The following EML6 variants were observed in gnomAD, a reference collection of about 807,000 sequenced individuals.
The protein encoded by EML6 is EMAP like 6.
Under a neutral mutation model 240.1 loss-of-function variants are expected in EML6, and 154 were observed. That is an observed-to-expected ratio of 0.64 (90% CI 0.56 to 0.73). EML6 has a LOEUF of 0.73. Ranked by LOEUF, EML6 falls within the 30% of genes least tolerant of loss-of-function variation. The pLI is 0.00. For missense variants in EML6, 2,964 were observed against 2,474.6 expected (o/e 1.20, Z -4.20); for synonymous variants, 1,148 against 899.0 (o/e 1.28, Z -4.95).
intron 2 of EML6, among the ~76,000 whole-genome samples, chr2:54,799,478 T>C (rs1377709784): frequency 6.6e-6 from 1 of 152,164 alleles, no homozygotes; most frequent in Non-Finnish European, 1.5e-5. Context: ...CCTGAGTAGC[T>C]GGGATTACAG....
intron 24 of EML6, among the ~76,000 whole-genome samples, chr2:54,904,977 G>A (rs918824387): frequency 2.0e-5 from 3 of 152,196 alleles, no homozygotes; most frequent in Non-Finnish European, 2.9e-5. Context: ...ACATTCAGGA[G>A]TTTTATACGG....
intron 17 of EML6, among the ~76,000 whole-genome samples, chr2:54,887,055 A>G (rs1249451727): frequency 1.3e-5 from 2 of 152,188 alleles, no homozygotes; most frequent in African/African-American, 2.4e-5. Context: ...AATGTTAGTG[A>G]TGGAATTCCT....
At chr2:54,748,005 C>T (rs2103687139) in intron 2 of EML6, among the ~76,000 whole-genome samples, 1 of 152,234 alleles carries the variant, frequency 6.6e-6, no homozygotes, top group South Asian at 2.1e-4. Flanking sequence ...TAGAAACTTT[C>T]ACTTTAAAAT....
Position 54,960,302 on chromosome 2 carries a change from G to C in EML6, c.4936G>C (p.Val1646Leu). ...CTTTCAGCTGGAGACCGGGCAGCTG[G>C]TGGAGTGTGTGCGCTCCGTGTGCCG... Reference protein sequence around the residue: ...RAFQLETGQLVECVRSVCRGK... With the variant: ...RAFQLETGQLLECVRSVCRGK... The change falls in exon 35 of 42, where the codon GTG becomes CTG. Residue 1646 changes from valine (V) to leucine (L), a missense_variant. Physicochemically the swap from Val to Leu is conservative, Grantham distance 32 (BLOSUM62 1). Transcript: ENST00000356458. The C allele has an allele frequency of 6.4e-7, 1 of 1,551,172 alleles. No homozygotes were observed. The highest frequency in any genetic ancestry group is 8.7e-7 in the Non-Finnish European group (1 of 1,146,898).
intron 2 of EML6, among the ~76,000 whole-genome samples, chr2:54,811,112 C>T (rs940404318): frequency 2.0e-5 from 3 of 152,072 alleles, no homozygotes; most frequent in Non-Finnish European, 2.9e-5. Flanking sequence ...CTACCCATGT[C>T]TTCCCTCCCT....
At chr2:54,841,848 C>G (rs1669475696) in intron 7 of EML6, among the ~76,000 whole-genome samples, 1 of 152,154 alleles carries the variant, frequency 6.6e-6, no homozygotes, top group African/African-American at 2.4e-5. Flanking sequence ...CTGCCTCAGC[C>G]TCCCAAAGTG....
intron 2 of EML6, among the ~76,000 whole-genome samples, chr2:54,806,041 C>G (rs768399286): frequency 6.6e-5 from 10 of 152,102 alleles, no homozygotes; most frequent in Non-Finnish European, 1.3e-4. Context: ...GTCTTAATTC[C>G]TTTTAATAAA....
intron 29 of EML6, among the ~76,000 whole-genome samples, chr2:54,949,682 TG>T (rs1675875029): frequency 6.6e-6 from 1 of 152,220 alleles, no homozygotes. Context: ...CCTTCAGACC[TG>T]GGAGAGTCCC....
chr2:54,880,575 C>G (rs1431366598), intron 17 of EML6: 1 of 152,130 alleles, frequency 6.6e-6, no homozygotes, highest in Non-Finnish European at 1.5e-5. Flanking sequence ...TGACCATCTT[C>G]GGAGAAAAAG....
intron 2 of EML6, among the ~76,000 whole-genome samples, chr2:54,770,466 C>T (rs905314064): frequency 3.3e-5 from 5 of 152,124 alleles, no homozygotes; most frequent in African/African-American, 1.2e-4. Context: ...GATGGTTGAT[C>T]GCCTCTTGCC....
chr2:54,813,538 C>A, intron 3 of EML6, 147 bp downstream of exon 3: 2 of 725,302 alleles, frequency 2.8e-6, no homozygotes, highest in South Asian at 1.8e-5. Context: ...TGTTTTTTCC[C>A]CTTTAAAGCT....
chr2:54,948,682 C>G (rs1675811988), intron 28 of EML6, among the ~76,000 whole-genome samples, 200 bp from the exon 29 acceptor site: 2 of 152,132 alleles, frequency 1.3e-5, no homozygotes. Context: ...GAGGCCCAAC[C>G]CAGTGCCTGT....
chr2:54,846,013 C>G (rs565033113), intron 8 of EML6, among the ~76,000 whole-genome samples: 4 of 152,206 alleles, frequency 2.6e-5, no homozygotes, highest in Non-Finnish European at 5.9e-5. Context: ...ATGTTTCATT[C>G]AGGCTCACTC....
At position 54,807,108 on chromosome 2, in the gene EML6, T is replaced by C. The variant is rs1457612814; in HGVS notation, c.198-6124T>C. Among the ~76,000 whole-genome samples the C allele has an allele frequency of 2.7e-5, 4 of 148,420 alleles. No individual in the cohort carries two copies. The Admixed American group carries it at 2.7e-4, about 10-fold the overall frequency. On this transcript the variant is annotated intron_variant, in intron 2 of 41. Transcript: ENST00000356458. ...AATTCTGATAGAATGCTTTTATTGA[T>C]TTTTTTTTTCCTCTTTTTCTAAACT...
chr2:54,776,152 C>T (rs1334725407), intron 2 of EML6, among the ~76,000 whole-genome samples: 2 of 151,932 alleles, frequency 1.3e-5, no homozygotes, highest in Non-Finnish European at 2.9e-5. Context: ...TTTTGTTTTG[C>T]CTTAGGCTTT....
intron 2 of EML6, among the ~76,000 whole-genome samples, chr2:54,761,210 C>T (rs1667966848): frequency 1.3e-5 from 2 of 151,988 alleles, no homozygotes; most frequent in Admixed American, 6.6e-5. Context: ...TCATAGTACT[C>T]CCAGTTTGTG....
chr2:54,937,553 T>TAAAAA (rs34682923), intron 28 of EML6, among the ~76,000 whole-genome samples: 3 of 68,152 alleles, frequency 4.4e-5, no homozygotes, highest in Admixed American at 2.2e-4. Flanking sequence ...ACTCTGTCTT[T>TAAAAA]AAAAAAAAAA....
At chr2:54,799,494 C>T (rs539513952) in intron 2 of EML6, among the ~76,000 whole-genome samples, 4 of 152,032 alleles carry the variant, frequency 2.6e-5, no homozygotes, top group African/African-American at 9.6e-5. Flanking sequence ...TACAGGTGCC[C>T]ACCACCACGC....
chr2:54,798,384 A>G (rs1448449375), intron 2 of EML6, among the ~76,000 whole-genome samples: 1 of 152,132 alleles, frequency 6.6e-6, no homozygotes, highest in Non-Finnish European at 1.5e-5. Context: ...CATGTTTGCC[A>G]GGCTGGTCTG....
Sources: gnomAD v4.1 joint callset for allele counts (sites outside exome capture counted in the v4.1 genomes callset) on GRCh38, gnomAD v4.1.1 for gene constraint, MANE v1.5 for transcripts, NCBI Gene and HGNC (gene_info 2026-07-23, HGNC 2026-07-21) for gene names.